Variants in TSC22D1 observed in about 807,000 individuals in gnomAD.
TSC22D1 encodes TSC22 domain family member 1.
In TSC22D1, 9 loss-of-function variants were observed where a neutral mutation model predicts 74.2. The observed-to-expected ratio is 0.12, with a 90% CI of 0.07 to 0.21. TSC22D1 has a LOEUF of 0.21. TSC22D1 is among the 10% of genes least tolerant of loss of function. TSC22D1 has a pLI of 1.00. For missense variants in TSC22D1, 1,427 were observed against 1,304.7 expected (o/e 1.09, Z -1.44); for synonymous variants, 586 against 492.5 (o/e 1.19, Z -2.51).
chr13:44,477,932 C>A (rs551325016), intron 1 of TSC22D1, among the ~76,000 whole-genome samples: 3 of 152,090 alleles, frequency 2.0e-5, no homozygotes, highest in Non-Finnish European at 4.4e-5. Flanking sequence ...TGAGCCACTG[C>A]GCCCAGCCTG....
intron 1 of TSC22D1, among the ~76,000 whole-genome samples, chr13:44,461,018 ATAAAT>A (rs916560558): frequency 2.0e-5 from 3 of 152,228 alleles, no homozygotes; most frequent in African/African-American, 7.2e-5. Context: ...CTTTCTTGTT[ATAAAT>A]TAAAGTTCAA....
chr13:44,448,487 AG>A (rs1277616794), intron 1 of TSC22D1, among the ~76,000 whole-genome samples: 1 of 152,172 alleles, frequency 6.6e-6, no homozygotes, highest in African/African-American at 2.4e-5. Flanking sequence ...GATAAATTTA[AG>A]GATATTACCT....
rs1267985441 is a variant in TSC22D1, at chr13:44,573,279, A to G, written c.2796T>C (p.Ser932=). Residue 932 remains serine, a synonymous_variant, in exon 1 of 3, where the codon AGT becomes AGC. Transcript: ENST00000458659. ...CATCTGAAACTGCTGACATTCCCCC[A>G]CTGTCACCACTGATAGTCTGAGGTA... The part of the protein sequence containing the change: ...VGLPQTISGD[S]GGMSAVSDGS... The G allele has an allele frequency of 1.9e-6, 3 of 1,614,092 alleles. No homozygotes were observed. The highest frequency in any genetic ancestry group is 2.5e-6 in the Non-Finnish European group (3 of 1,180,030).
rs545779761 is a variant in TSC22D1, at chr13:44,536,690, A to T, written c.2912+36473T>A. On this transcript the variant is annotated intron_variant, in intron 1 of 2. Coordinates refer to ENST00000458659, the MANE Select transcript of TSC22D1 (RefSeq NM_183422.4). ...GTTATATTTTGATCAATCTAGCATT[A>T]AAAGACTTGGTCAAATTACTCTTGA... The T allele has an allele frequency of 9.4e-6, 9 of 956,966 alleles. No homozygotes were observed. The East Asian group carries it at 9.2e-4, about 98-fold the overall frequency. 59.3% of individuals were successfully genotyped at this position (956,966 alleles called of 1,614,324 possible).
intron 1 of TSC22D1, among the ~76,000 whole-genome samples, chr13:44,561,244 TCAGA>T (rs1883017860): frequency 1.3e-5 from 2 of 152,154 alleles, no homozygotes; most frequent in East Asian, 1.9e-4. Flanking sequence ...AACCATTATC[TCAGA>T]CAATGACAGA....
chr13:44,551,409 T>G (rs1001170729), intron 1 of TSC22D1, among the ~76,000 whole-genome samples: 7 of 151,008 alleles, frequency 4.6e-5, no homozygotes, highest in African/African-American at 1.5e-4. Flanking sequence ...TGTGTGTGTG[T>G]GTGTGTGTGT....
chr13:44,461,775 CCCACAGCACATGAGCCCCAG>C (rs1877008833), intron 1 of TSC22D1, among the ~76,000 whole-genome samples: 1 of 152,060 alleles, frequency 6.6e-6, no homozygotes, highest in South Asian at 2.1e-4. Flanking sequence ...CGAAATTCAC[CCCACAGCACATGAGCCCCAG>C]CCAATCAGAA....
chr13:44,555,897 G>A (rs1263159134), intron 1 of TSC22D1, among the ~76,000 whole-genome samples: 2 of 151,940 alleles, frequency 1.3e-5, no homozygotes, highest in East Asian at 1.9e-4. Flanking sequence ...TGCTGACACT[G>A]GGGAGAATGG....
intron 1 of TSC22D1, among the ~76,000 whole-genome samples, chr13:44,457,193 G>A (rs1483218131): frequency 6.6e-6 from 1 of 152,216 alleles, no homozygotes; most frequent in East Asian, 1.9e-4. Flanking sequence ...AACCAAAACT[G>A]CACCTAGGAA....
At chr13:44,534,353 C>A (rs1441131695) in intron 1 of TSC22D1, among the ~76,000 whole-genome samples, 1 of 143,988 alleles carries the variant, frequency 6.9e-6, no homozygotes, top group Non-Finnish European at 1.5e-5. Context: ...CACTGTGAGA[C>A]CCCGTCTTAA....
rs762669566 is a variant in TSC22D1, at chr13:44,574,312, G to A, written c.1763C>T (p.Thr588Ile). ...QPSPVNVVGVTSALGQQPSIS... is the reference protein window; with the variant it reads ...QPSPVNVVGVISALGQQPSIS... The stretch of plus-strand genomic sequence containing the variant: ...GGAAGGCTGCTGACCTAAAGCTGAA[G>A]TTACACCAACCACATTTACAGGCGA... Residue 588 changes from threonine (T) to isoleucine (I), a missense_variant, in exon 1 of 3, where the codon ACT becomes ATT. Thr to Ile is a moderately conservative substitution (Grantham distance 89). This residue lies in a region of TSC22D1 where 1,343 missense variants were observed against 1,191.5 expected (regional missense o/e 1.13). Transcript: ENST00000458659. 1.2e-6 allele frequency: 2 copies of A among 1,614,242 alleles called. No homozygotes were observed. Among genetic ancestry groups the A allele is most frequent in the Non-Finnish European group, 1.7e-6 (2 of 1,180,044 alleles).
intron 1 of TSC22D1, 185 bp from the exon 2 acceptor site, chr13:44,436,280 C>T: frequency 1.1e-6 from 1 of 877,430 alleles, no homozygotes; most frequent in Non-Finnish European, 1.7e-6. Flanking sequence ...CCAGGCATCT[C>T]CCTATTTTAG....
At chr13:44,510,681 C>T (rs1291923218) in intron 1 of TSC22D1, among the ~76,000 whole-genome samples, 1 of 152,094 alleles carries the variant, frequency 6.6e-6, no homozygotes, top group Non-Finnish European at 1.5e-5. Context: ...CAACCTCCAC[C>T]TCCCAGGTTC....
chr13:44,438,224 G>A (rs1250027744), intron 1 of TSC22D1, among the ~76,000 whole-genome samples: 1 of 152,148 alleles, frequency 6.6e-6, no homozygotes, highest in Non-Finnish European at 1.5e-5. Context: ...AGTACTTGGG[G>A]AGACCTCTCT....
At chr13:44,473,225 C>T (rs1256542754) in intron 1 of TSC22D1, among the ~76,000 whole-genome samples, 11 of 152,274 alleles carry the variant, frequency 7.2e-5, no homozygotes, top group Admixed American at 2.0e-4. Context: ...CCAGGCACAA[C>T]GGCACAGGCC....
chr13:44,515,445 C>CTT (rs879885981), intron 1 of TSC22D1, among the ~76,000 whole-genome samples: 81 of 142,328 alleles, frequency 5.7e-4, no homozygotes, highest in African/African-American at 2.0e-3. Flanking sequence ...TGAAAAAAAT[C>CTT]TTTTTTTTTT....
At chr13:44,562,873 AGGTG>A (rs1883137349) in intron 1 of TSC22D1, among the ~76,000 whole-genome samples, 1 of 152,216 alleles carries the variant, frequency 6.6e-6, no homozygotes, top group Non-Finnish European at 1.5e-5. Context: ...TTGGGGGCCC[AGGTG>A]GGTGGATCAC....
intron 1 of TSC22D1, among the ~76,000 whole-genome samples, chr13:44,541,843 C>T (rs1376911038): frequency 1.3e-5 from 2 of 152,046 alleles, no homozygotes; most frequent in African/African-American, 4.8e-5. Context: ...AGGAAAAAGG[C>T]TTAAAATCAG....
chr13:44,497,910 T>C (rs1410464573), intron 1 of TSC22D1, among the ~76,000 whole-genome samples: 1 of 152,154 alleles, frequency 6.6e-6, no homozygotes, highest in Admixed American at 6.5e-5. Flanking sequence ...CCTTGTTCCC[T>C]GATAGCTTTC....
Sources: allele counts gnomAD v4.1 joint callset (sites outside exome capture counted in the v4.1 genomes callset), GRCh38; gene constraint gnomAD v4.1.1; regional missense constraint gnomAD v4.1.1; transcripts MANE v1.5; gene names NCBI Gene and HGNC (gene_info 2026-07-23, HGNC 2026-07-21).